SOHLH1: variants seen among roughly 807,000 people sequenced by gnomAD.
The protein encoded by SOHLH1 is spermatogenesis- and oogenesis-specific basic helix-loop-helix-containing protein 1.
A neutral mutation model predicts 36.2 loss-of-function variants in SOHLH1; 23 were observed. The observed-to-expected ratio is 0.64, with a 90% CI of 0.46 to 0.90. The LOEUF is 0.90. Among genes scored for constraint, SOHLH1 ranks in the 40% least tolerant of loss-of-function variants. The probability of loss-of-function intolerance (pLI) is 0.00; values close to 1 mark genes in which losing one functional copy is unlikely to be tolerated. For missense variants in SOHLH1, 608 were observed against 517.0 expected (o/e 1.18, Z -1.71); for synonymous variants, 289 against 228.3 (o/e 1.27, Z -2.40).
At chr9:135,698,810 G>A (rs1337792879) in intron 2 of SOHLH1, among the ~76,000 whole-genome samples, 185 bp downstream of exon 2, 1 of 152,240 alleles carries the variant, frequency 6.6e-6, no homozygotes, top group Non-Finnish European at 1.5e-5. Flanking sequence ...AGGATAAAGA[G>A]GGGCTGCAGG....
In SOHLH1 at chr9:135,697,312, C is replaced by A. The variant is rs539172469; in HGVS notation, c.467+194G>T. ...CTCAATTCTGCTGACCGCGCTCCCC[C>A]CTTGCTGGAGCTCGCCCATGTTGGT... On this transcript the variant is annotated intron_variant, in intron 4 of 7. Transcript: ENST00000425225. 2.5e-3 allele frequency among the ~76,000 whole-genome samples: 381 copies of A among 152,298 alleles called. 2 individuals carry two copies. The highest frequency in any genetic ancestry group is 8.5e-3 in the African/African-American group (354 of 41,574).
At chr9:135,694,185 C>T (rs1217754991) in intron 7 of SOHLH1, 6 of 1,440,138 alleles carry the variant, frequency 4.2e-6, no homozygotes, top group South Asian at 3.0e-5. Flanking sequence ...GTCCACATCA[C>T]GTTCACTCAC....
rs1453319012 is a variant in SOHLH1, at chr9:135,694,460, G to A, written c.876-3C>T. On this transcript the variant is annotated splice_polypyrimidine_tract_variant and splice_region_variant and intron_variant, in intron 6 of 7. Transcript: ENST00000425225. ...CCACATCAGACCCCAACGCAGACCT[G>A]GAAGCGACAAGCTCTTCCTCAGTGG... The A allele has an allele frequency of 5.0e-6, 8 of 1,612,956 alleles. No individual in the cohort carries two copies. The highest frequency in any genetic ancestry group is 6.8e-6 in the Non-Finnish European group (8 of 1,179,952).
intron 1 of SOHLH1, 35 bp downstream of exon 1, chr9:135,699,367 GC>G (rs760128552): frequency 1.9e-6 from 3 of 1,595,642 alleles, no homozygotes; most frequent in Non-Finnish European, 2.6e-6. Context: ...CAGGCCTTGG[GC>G]CCCCAACCCC....
chr9:135,700,519 G>T (rs1395004876), upstream of SOHLH1, among the ~76,000 whole-genome samples: 1 of 152,084 alleles, frequency 6.6e-6, no homozygotes, highest in African/African-American at 2.4e-5. Flanking sequence ...GAGGAGGTGG[G>T]GTGGGTGGCA....
chr9:135,698,844 G>T, intron 2 of SOHLH1, 151 bp downstream of exon 2: 1 of 1,153,682 alleles, frequency 8.7e-7, no homozygotes. Context: ...GGGCTTTTCT[G>T]GTTTACTTGG....
At position 135,698,364 on chromosome 9, in the gene SOHLH1, C is replaced by T. The variant is rs750376223; in HGVS notation, c.310G>A (p.Ala104Thr). ...LEMSVQFLRLASALGPSQEQH... is the reference protein window; with the variant it reads ...LEMSVQFLRLTSALGPSQEQH... ...TCCTGACTGGGCCCCAGGGCGCTGG[C>T]AAGCCGCAGGAACTGCACAGACATC... The change falls in exon 3 of 8, where the codon GCC becomes ACC. Residue 104 changes from alanine (A) to threonine (T), a missense_variant. Physicochemically the swap from Ala to Thr is moderately conservative, Grantham distance 58 (BLOSUM62 0). Coordinates refer to ENST00000425225, the MANE Select transcript of SOHLH1 (RefSeq NM_001101677.2). 1.2e-6 allele frequency: 2 copies of T among 1,612,744 alleles called. No individual in the cohort carries two copies. The highest frequency in any genetic ancestry group is 1.7e-6 in the Non-Finnish European group (2 of 1,179,976).
chr9:135,696,476 G>C, intron 5 of SOHLH1, 136 bp downstream of exon 5: 2 of 1,001,170 alleles, frequency 2.0e-6, no homozygotes, highest in Non-Finnish European at 2.9e-6. Context: ...TCAACACGTG[G>C]GTTTCTCACC....
At chr9:135,702,047 C>A (rs996657319), upstream of SOHLH1, 5 of 519,780 alleles carry the variant, frequency 9.6e-6, no homozygotes, top group South Asian at 9.6e-5. Context: ...TACCCCGCAC[C>A]CCCGTCCCAG....
chr9:135,693,963 C>T, intron 7 of SOHLH1, 149 bp from the exon 8 acceptor site: 1 of 1,432,926 alleles, frequency 7.0e-7, no homozygotes, highest in Non-Finnish European at 9.1e-7. Context: ...GGTGGGTGAG[C>T]TCATACCTGG....
intron 3 of SOHLH1, 60 bp downstream of exon 3, chr9:135,698,269 G>A (rs952935608): frequency 3.1e-6 from 5 of 1,606,270 alleles, no homozygotes; most frequent in Non-Finnish European, 2.6e-6. Context: ...CCTGCAAGGT[G>A]GTGAGATGTC....
upstream of SOHLH1, chr9:135,702,057 G>C: frequency 1.9e-6 from 1 of 528,116 alleles, no homozygotes; most frequent in East Asian, 3.6e-5. Flanking sequence ...CCCCGTCCCA[G>C]CCTGGGCCAG....
At chr9:135,699,672 G>C, upstream of SOHLH1, 1 of 647,382 alleles carries the variant, frequency 1.5e-6, no homozygotes, top group Non-Finnish European at 2.8e-6. Flanking sequence ...CTGCAAAGAA[G>C]GTGCTGGAAA....
In SOHLH1 at chr9:135,693,423, A is replaced by G. The variant is rs1834667780; in HGVS notation, c.*174T>C. 1 of 953,094 alleles carries G rather than the reference A, an allele frequency of 1.0e-6. No individual in the cohort carries two copies. Among genetic ancestry groups the G allele is most frequent in the Admixed American group, 3.0e-5 (1 of 33,226 alleles). 59.0% of individuals were successfully genotyped at this position (953,094 alleles called of 1,614,324 possible). A position where few individuals can be genotyped will look rare whatever the true frequency, so the allele number is the denominator to read the frequency against. ...CCACACAGGTTTTGCTTCCTCCAGG[A>G]AAACTGCTTTCCCTCTTTAATATTC... On this transcript the variant is annotated 3_prime_UTR_variant, in exon 8 of 8. Coordinates refer to ENST00000425225, the MANE Select transcript of SOHLH1 (RefSeq NM_001101677.2).
rs1834671702 is a variant in SOHLH1 at position 135,693,524 on chromosome 9, C to T, written c.*73G>A. 2 of 1,486,914 alleles carry T rather than the reference C, an allele frequency of 1.3e-6. No individual in the cohort carries two copies. The highest frequency in any genetic ancestry group is 1.8e-6 in the Non-Finnish European group (2 of 1,111,734). The allele number at this position is 1,486,914 out of a possible 1,614,324, so 92.1% of individuals were successfully genotyped here. On this transcript the variant is annotated 3_prime_UTR_variant, in exon 8 of 8. Transcript: ENST00000425225. The stretch of plus-strand genomic sequence containing the variant: ...GCAACCCAAACCCAAAATAAAATGC[C>T]CAAGCACGCGACAGGGACACACACG...
At chr9:135,698,271 T>C in intron 3 of SOHLH1, 58 bp downstream of exon 3, 2 of 1,602,690 alleles carry the variant, frequency 1.2e-6, no homozygotes, top group East Asian at 2.2e-5. Context: ...TGCAAGGTGG[T>C]GAGATGTCCC....
intron 7 of SOHLH1, 89 bp downstream of exon 7, chr9:135,694,297 CT>C (rs781426038): frequency 3.1e-6 from 5 of 1,597,606 alleles, no homozygotes; most frequent in Admixed American, 1.7e-5. Flanking sequence ...CTGGGGCCCC[CT>C]GACACACGCT....
At chr9:135,698,519 C>G in intron 2 of SOHLH1, 43 bp from the exon 3 acceptor site, 1 of 1,612,660 alleles carries the variant, frequency 6.2e-7, no homozygotes, top group South Asian at 1.1e-5. Context: ...CCCTCCTGCC[C>G]TCCCCGAGAA....
Position 135,693,488 on chromosome 9 carries a change from A to T in SOHLH1, c.*109T>A. 3 of 1,368,008 alleles carry T rather than the reference A, an allele frequency of 2.2e-6. No homozygotes were observed. Among genetic ancestry groups the T allele is most frequent in the Non-Finnish European group, 2.9e-6 (3 of 1,020,876 alleles). 84.7% of individuals were successfully genotyped at this position (1,368,008 alleles called of 1,614,324 possible). A position where few individuals can be genotyped will look rare whatever the true frequency, so the allele number is the denominator to read the frequency against. On this transcript the variant is annotated 3_prime_UTR_variant, in exon 8 of 8. Transcript: ENST00000425225. ...ACAGCCTGTAAGCCTCGCTCAAATT[A>T]GGGTGCAGCTGCAACCCAAACCCAA...
Sources: gnomAD v4.1 joint callset for allele counts (sites outside exome capture counted in the v4.1 genomes callset) on GRCh38, gnomAD v4.1.1 for gene constraint, MANE v1.5 for transcripts, NCBI Gene and HGNC (gene_info 2026-07-23, HGNC 2026-07-21) for gene names.